The following ADAMTS16 variants were observed in gnomAD, a reference collection of about 807,000 sequenced individuals.
ADAMTS16 encodes ADAM metallopeptidase with thrombospondin type 1 motif 16, also known as A disintegrin and metalloproteinase with thrombospondin motifs 16.
A neutral mutation model predicts 145.8 loss-of-function variants in ADAMTS16; 94 were observed. That is an observed-to-expected ratio of 0.64 (90% CI 0.55 to 0.77). The LOEUF is 0.77. ADAMTS16 is among the 30% of genes least tolerant of loss of function. The pLI, the probability that ADAMTS16 is intolerant of heterozygous loss-of-function variation, is 0.00. For missense variants in ADAMTS16, 1,585 were observed against 1,591.5 expected, an observed-to-expected ratio of 1.00 and a Z score of 0.07; for synonymous variants, 659 against 604.3, an observed-to-expected ratio of 1.09 and a Z score of -1.33.
intron 18 of ADAMTS16, among the ~76,000 whole-genome samples, chr5:5,290,924 C>T (rs949292083): frequency 3.3e-5 from 5 of 152,142 alleles, no homozygotes; most frequent in African/African-American, 4.8e-5. Context: ...GCTCTTCGGG[C>T]GTCACTGAGA....
intron 3 of ADAMTS16, among the ~76,000 whole-genome samples, chr5:5,177,425 G>A (rs1017348139): frequency 1.3e-5 from 2 of 152,224 alleles, no homozygotes; most frequent in Non-Finnish European, 2.9e-5. Flanking sequence ...AAGACAGAAA[G>A]GTTGAGAGAG....
intron 16 of ADAMTS16, among the ~76,000 whole-genome samples, 193 bp from the exon 17 acceptor site, chr5:5,241,860 T>A (rs1439356414): frequency 6.6e-6 from 1 of 152,190 alleles, no homozygotes; most frequent in Non-Finnish European, 1.5e-5. Context: ...GACATTTTTT[T>A]AGATGAGCTT....
In ADAMTS16 at chr5:5,184,958, G is replaced by A. The variant is rs551732549; in HGVS notation, c.764-1094G>A. Among the ~76,000 whole-genome samples, 5 of 152,188 alleles carry A rather than the reference G, an allele frequency of 3.3e-5. No homozygotes were observed. In the South Asian group the frequency reaches 1.0e-3, roughly 32 times the overall value. On this transcript the variant is annotated intron_variant, in intron 4 of 22. Coordinates refer to ENST00000274181, the MANE Select transcript of ADAMTS16 (RefSeq NM_139056.4). ...TCTGAAAGCTATTTCCGACACTTTC[G>A]AAGGAAGGGGTGTGAGCCAGTAATG...
Position 5,140,694 on chromosome 5 carries a change from G to T in ADAMTS16, c.103G>T (p.Ala35Ser). 2 of 1,563,638 alleles carry T rather than the reference G, an allele frequency of 1.3e-6. No individual in the cohort carries two copies. The highest frequency in any genetic ancestry group is 1.2e-5 in the South Asian group (1 of 85,486). ...APACAMGPAA[A>S]APGSPSVPRP... ...TGCGTGCGCCATGGGACCCGCAGCG[G>T]CAGCGCCTGGGAGCCCGAGCGTCCC... Residue 35 changes from alanine to serine, a missense_variant, in exon 2 of 23, where the codon GCA (alanine) becomes TCA (serine). This residue lies in a region of ADAMTS16 where 453 missense variants were observed against 412.1 expected (regional missense o/e 1.10). Transcript: ENST00000274181.
At chr5:5,199,982 C>A in intron 8 of ADAMTS16, 150 bp from the exon 9 acceptor site, 1 of 919,354 alleles carries the variant, frequency 1.1e-6, no homozygotes, top group Non-Finnish European at 1.6e-6. Flanking sequence ...TATTCTTAAC[C>A]AATTGGCAGT....
chr5:5,173,660 A>G (rs995229111), intron 3 of ADAMTS16, among the ~76,000 whole-genome samples: 1 of 151,726 alleles, frequency 6.6e-6, no homozygotes, highest in African/African-American at 2.4e-5. Flanking sequence ...TTTTTAGTAG[A>G]GATGGGGTTT....
intron 10 of ADAMTS16, among the ~76,000 whole-genome samples, chr5:5,221,527 C>A (rs937970322): frequency 1.3e-4 from 20 of 152,222 alleles, no homozygotes; most frequent in Middle Eastern, 6.8e-3. Context: ...GTGATTGTAA[C>A]CATATGAGAT....
In ADAMTS16 at chr5:5,239,200, G is replaced by T. The variant is rs1383928793; in HGVS notation, c.2204G>T (p.Cys735Phe). Residue 735 changes from cysteine to phenylalanine, a missense_variant, in exon 15 of 23, where the codon TGT becomes TTT. Cys to Phe is a radical substitution (Grantham distance 205). Coordinates refer to ENST00000274181, the MANE Select transcript of ADAMTS16 (RefSeq NM_139056.4). ...GGATCTGATGCTGTTGAAGACGTCT[G>T]TGGGGTGTGTAACGGGAATAACTCA... Reference protein sequence around the residue: ...VLGSDAVEDVCGVCNGNNSAC... With the variant: ...VLGSDAVEDVFGVCNGNNSAC... 6.2e-6 allele frequency: 10 copies of T among 1,603,414 alleles called. No homozygotes were observed. The highest frequency in any genetic ancestry group is 8.5e-6 in the Non-Finnish European group (10 of 1,175,536).
intron 3 of ADAMTS16, among the ~76,000 whole-genome samples, chr5:5,181,559 T>G (rs1284568503): frequency 1.3e-5 from 2 of 152,268 alleles, no homozygotes; most frequent in Admixed American, 1.3e-4. Context: ...TTTGTTAAGT[T>G]ACCCTTTTCT....
intron 20 of ADAMTS16, among the ~76,000 whole-genome samples, chr5:5,304,162 G>A (rs1009117742): frequency 2.0e-5 from 3 of 152,190 alleles, no homozygotes; most frequent in Non-Finnish European, 2.9e-5. Flanking sequence ...AAGAACATGC[G>A]TTGCTTGGGA....
rs1560952828 is a variant in ADAMTS16, at chr5:5,215,889, TATATA to T, written c.1605+6644_1605+6648del. Among the ~76,000 whole-genome samples the T allele has an allele frequency of 9.2e-3, 849 of 91,970 alleles. 22 individuals are homozygous for T. Among genetic ancestry groups the T allele is most frequent in the African/African-American group, 0.026 (809 of 30,846 alleles). The allele number at this position is 91,970 out of a possible 152,430, so 60.3% of individuals were successfully genotyped here. A position where few individuals can be genotyped will look rare whatever the true frequency, so the allele number is the denominator to read the frequency against. On this transcript the variant is annotated intron_variant, in intron 10 of 22. Transcript: ENST00000274181. Reference sequence around the variant, plus strand: ...GTATGTGTATATATATATATATATATATATATATATATATATATATATATATCACA... The same window carrying T: ...GTATGTGTATATATATATATATATATTATATATATATATATATATATCACA...
chr5:5,145,304 T>C (rs2126500936), intron 2 of ADAMTS16, among the ~76,000 whole-genome samples: 1 of 152,350 alleles, frequency 6.6e-6, no homozygotes, highest in East Asian at 1.9e-4. Flanking sequence ...AAGCTCATCA[T>C]TTCATAATTA....
intron 17 of ADAMTS16, among the ~76,000 whole-genome samples, chr5:5,260,657 G>T (rs552406193): frequency 6.6e-6 from 1 of 152,342 alleles, no homozygotes; most frequent in African/African-American, 2.4e-5. Context: ...AGCTCCGACA[G>T]TGGCTCCTGC....
At chr5:5,207,892 A>C (rs1267819963) in intron 9 of ADAMTS16, among the ~76,000 whole-genome samples, 1 of 152,198 alleles carries the variant, frequency 6.6e-6, no homozygotes, top group Non-Finnish European at 1.5e-5. Context: ...GTCATAGTAT[A>C]TAGTTCTTCT....
chr5:5,259,649 C>T (rs935713988), intron 17 of ADAMTS16, among the ~76,000 whole-genome samples: 3 of 152,178 alleles, frequency 2.0e-5, no homozygotes, highest in African/African-American at 7.2e-5. Flanking sequence ...AAGGAGCAGG[C>T]AGGGAATCAT....
At chr5:5,164,126 A>G (rs1031439208) in intron 3 of ADAMTS16, among the ~76,000 whole-genome samples, 7 of 152,218 alleles carry the variant, frequency 4.6e-5, no homozygotes, top group East Asian at 3.9e-4. Flanking sequence ...GGCAAACTCC[A>G]TAGGTAACCT....
intron 17 of ADAMTS16, among the ~76,000 whole-genome samples, chr5:5,248,539 C>T (rs1737527237): frequency 6.6e-6 from 1 of 152,176 alleles, no homozygotes; most frequent in African/African-American, 2.4e-5. Flanking sequence ...GTGATTCTGG[C>T]ATTCAAATAG....
At chr5:5,216,728 G>A (rs1364360378) in intron 10 of ADAMTS16, among the ~76,000 whole-genome samples, 2 of 146,270 alleles carry the variant, frequency 1.4e-5, no homozygotes, top group African/African-American at 2.5e-5. Flanking sequence ...CTAGCATTAG[G>A]TATATCTCCC....
chr5:5,222,617 G>A (rs1339978445), intron 10 of ADAMTS16, among the ~76,000 whole-genome samples, 172 bp from the exon 11 acceptor site: 2 of 152,120 alleles, frequency 1.3e-5, no homozygotes, highest in Non-Finnish European at 2.9e-5. Context: ...ACCAAGTCTA[G>A]AGCATGAGTC....
Sources: gnomAD v4.1 joint callset for allele counts (sites outside exome capture counted in the v4.1 genomes callset) on GRCh38, gnomAD v4.1.1 for gene constraint, gnomAD v4.1.1 regional missense constraint, MANE v1.5 for transcripts, NCBI Gene and HGNC (gene_info 2026-07-23, HGNC 2026-07-21) for gene names.